Variants in CMPK1 observed in about 807,000 individuals in gnomAD.
CMPK1 encodes cytidine/uridine monophosphate kinase 1.
Under a neutral mutation model 25.7 loss-of-function variants are expected in CMPK1, and 10 were observed. The observed-to-expected ratio is 0.39, with a 90% CI of 0.24 to 0.66. The LOEUF is 0.66. CMPK1 is among the 30% of genes least tolerant of loss of function. The pLI, the probability that CMPK1 is intolerant of heterozygous loss-of-function variation, is 0.48. For missense variants in CMPK1, 199 were observed against 280.5 expected, an observed-to-expected ratio of 0.71 and a Z score of 2.08; for synonymous variants, 106 against 101.5, an observed-to-expected ratio of 1.04 and a Z score of -0.27.
chr1:47,336,527 T>C (rs1646400521), intron 1 of CMPK1, among the ~76,000 whole-genome samples: 1 of 152,276 alleles, frequency 6.6e-6, no homozygotes. Flanking sequence ...GGTTTTGTTG[T>C]TGTTGTTTGT....
rs907191579 is a variant in CMPK1 at position 47,339,521 on chromosome 1, G to A, written c.171+5405G>A. On this transcript the variant is annotated intron_variant, in intron 1 of 5. Transcript: ENST00000371873. ...CTGACACATAGTAACTGCTTATTAA[G>A]CACTTATTGAATTATAAGTTGAATA... Among the ~76,000 whole-genome samples the A allele has an allele frequency of 2.0e-5, 3 of 152,072 alleles. No homozygotes were observed. The East Asian group carries it at 5.8e-4, about 29-fold the overall frequency.
chr1:47,356,421 T>G (rs554673478), intron 1 of CMPK1, among the ~76,000 whole-genome samples: 10 of 152,280 alleles, frequency 6.6e-5, no homozygotes, highest in African/African-American at 2.2e-4. Context: ...TTATAAAATC[T>G]TATGTCACAA....
At chr1:47,370,959 A>AAAATAAAT (rs3046950) in intron 2 of CMPK1, among the ~76,000 whole-genome samples, 23,512 of 149,070 alleles carry the variant, frequency 0.16, 2,495 homozygotes, top group East Asian at 0.5. Flanking sequence ...TCCGCCTCAA[A>AAAATAAAT]AAATAAATAA....
intron 2 of CMPK1, among the ~76,000 whole-genome samples, chr1:47,369,901 T>TTCTC (rs35595628): frequency 6.9e-5 from 9 of 130,774 alleles, no homozygotes; most frequent in South Asian, 2.6e-4. Flanking sequence ...TCTTTCTTCT[T>TTCTC]TCTCTCTCTT....
chr1:47,352,169 C>A (rs1054040714), intron 1 of CMPK1, among the ~76,000 whole-genome samples: 3 of 151,998 alleles, frequency 2.0e-5, no homozygotes, highest in Admixed American at 6.6e-5. Context: ...AAAAAGATGT[C>A]TTTTAATTGG....
At chr1:47,362,408 T>C (rs1646609980) in intron 1 of CMPK1, among the ~76,000 whole-genome samples, 1 of 151,902 alleles carries the variant, frequency 6.6e-6, no homozygotes, top group Non-Finnish European at 1.5e-5. Context: ...CCTCAGGTGA[T>C]CCGCCCGACT....
At chr1:47,346,351 C>T (rs539940483) in intron 1 of CMPK1, among the ~76,000 whole-genome samples, 18 of 152,048 alleles carry the variant, frequency 1.2e-4, no homozygotes, top group Non-Finnish European at 1.8e-4. Context: ...TGAGCTACTG[C>T]GCCCAGCCTA....
At chr1:47,374,450 G>T (rs1411316115) in intron 3 of CMPK1, among the ~76,000 whole-genome samples, 1 of 152,124 alleles carries the variant, frequency 6.6e-6, no homozygotes, top group Non-Finnish European at 1.5e-5. Context: ...TGTTACCACA[G>T]CTTTATAACA....
chr1:47,333,842 C>A lies in CMPK1; in HGVS notation c.-104C>A. The A allele has an allele frequency of 1.4e-6, 1 of 739,368 alleles. No individual in the cohort carries two copies. The highest frequency in any genetic ancestry group is 1.7e-6 in the Non-Finnish European group (1 of 599,986). 45.8% of individuals were successfully genotyped at this position (739,368 alleles called of 1,614,324 possible). ...GGCAGCCACGGCGGCGGGGCCGCGG[C>A]GGGCGCCGGCTCAGCCCGCCCCTTT... On this transcript the variant is annotated 5_prime_UTR_variant, in exon 1 of 6. Coordinates refer to ENST00000371873, the MANE Select transcript of CMPK1 (RefSeq NM_016308.3).
intron 1 of CMPK1, among the ~76,000 whole-genome samples, chr1:47,355,641 C>G (rs1646555584): frequency 1.3e-5 from 2 of 148,324 alleles, no homozygotes; most frequent in South Asian, 2.1e-4. Context: ...GAGTCTCGCT[C>G]TGTTGCCCAG....
At position 47,334,095 on chromosome 1, in the gene CMPK1, C is replaced by T; in HGVS notation, c.150C>T (p.Thr50=). The T allele has an allele frequency of 6.6e-7, 1 of 1,524,226 alleles. No individual in the cohort carries two copies. The highest frequency in any genetic ancestry group is 8.8e-7 in the Non-Finnish European group (1 of 1,133,924). 94.4% of individuals were successfully genotyped at this position (1,524,226 alleles called of 1,614,324 possible). A position where few individuals can be genotyped will look rare whatever the true frequency, so the allele number is the denominator to read the frequency against. The stretch of plus-strand genomic sequence containing the variant: ...GCGGCCCCGGCGCCGGCAAGGGGAC[C>T]CAGTGCGCCCGCATCGTCGAGGTGA... ...VLGGPGAGKG[T]QCARIVEKYG... Residue 50 remains threonine (T), a synonymous_variant, in exon 1 of 6, where the codon ACC becomes ACT. Transcript: ENST00000371873.
chr1:47,375,391 T>C (rs1227834616), intron 5 of CMPK1, 98 bp downstream of exon 5: 5 of 798,124 alleles, frequency 6.3e-6, no homozygotes, highest in Non-Finnish European at 9.7e-6. Flanking sequence ...TATCACAGAT[T>C]AGTTAGTTTT....
At chr1:47,349,822 T>C (rs1329002953) in intron 1 of CMPK1, among the ~76,000 whole-genome samples, 1 of 152,216 alleles carries the variant, frequency 6.6e-6, no homozygotes, top group African/African-American at 2.4e-5. Flanking sequence ...TTTTCTTTTT[T>C]TGAGACAGGG....
At chr1:47,359,257 C>T (rs1245243419) in intron 1 of CMPK1, among the ~76,000 whole-genome samples, 1 of 151,396 alleles carries the variant, frequency 6.6e-6, no homozygotes, top group African/African-American at 2.4e-5. Context: ...GCAGAGCTTG[C>T]AGTGAGCCAA....
chr1:47,367,679 G>A (rs748704943), intron 1 of CMPK1, among the ~76,000 whole-genome samples: 7 of 152,168 alleles, frequency 4.6e-5, no homozygotes, highest in Non-Finnish European at 1.0e-4. Context: ...ATATTTGAGA[G>A]TAAAAGCATT....
At chr1:47,350,654 G>T (rs1646516374) in intron 1 of CMPK1, among the ~76,000 whole-genome samples, 1 of 152,080 alleles carries the variant, frequency 6.6e-6, no homozygotes, top group South Asian at 2.1e-4. Flanking sequence ...CAGCACTTTG[G>T]GAGGCTGAGG....
chr1:47,375,927 G>A (rs1646705284), intron 5 of CMPK1, among the ~76,000 whole-genome samples: 2 of 152,106 alleles, frequency 1.3e-5, no homozygotes. Context: ...AAAGGCCCAG[G>A]GGAAGAAGAT....
At chr1:47,343,656 G>A (rs1224869422) in intron 1 of CMPK1, among the ~76,000 whole-genome samples, 1 of 152,168 alleles carries the variant, frequency 6.6e-6, no homozygotes, top group Admixed American at 6.6e-5. Flanking sequence ...GCTCATGCCT[G>A]TAATCCCAGC....
intron 1 of CMPK1, among the ~76,000 whole-genome samples, chr1:47,353,366 A>T (rs1646535833): frequency 6.6e-6 from 1 of 152,118 alleles, no homozygotes; most frequent in Non-Finnish European, 1.5e-5. Flanking sequence ...GTAACTCTTC[A>T]TGCCCATGCA....
Sources: gnomAD v4.1 joint callset for allele counts (sites outside exome capture counted in the v4.1 genomes callset) on GRCh38, gnomAD v4.1.1 for gene constraint, MANE v1.5 for transcripts, NCBI Gene and HGNC (gene_info 2026-07-23, HGNC 2026-07-21) for gene names.